FHIT: variants seen among roughly 807,000 people sequenced by gnomAD.
FHIT encodes fragile histidine triad diadenosine triphosphatase, also known as bis(5'-adenosyl)-triphosphatase.
FHIT carries 19 observed loss-of-function variants against 17.9 expected under a neutral mutation model. That is an observed-to-expected ratio of 1.06 (90% confidence interval 0.74 to 1.56). The LOEUF is 1.56. FHIT is among the 40% of genes most tolerant of loss of function. The probability of loss-of-function intolerance (pLI) is 0.00; values close to 1 mark genes in which losing one functional copy is unlikely to be tolerated. For synonymous variants in FHIT, 81 were observed against 69.7 expected, an observed-to-expected ratio of 1.16 and a Z score of -0.81; for missense variants, 248 against 189.2, an observed-to-expected ratio of 1.31 and a Z score of -1.82.
intron 2 of FHIT, among the ~76,000 whole-genome samples, chr3:61,116,372 T>C (rs753831403): frequency 4.6e-5 from 7 of 152,188 alleles, no homozygotes; most frequent in East Asian, 1.9e-4. Context: ...CCTCCATTAT[T>C]AGCCTGTGAC....
At chr3:60,899,548 G>T (rs949118655) in intron 3 of FHIT, among the ~76,000 whole-genome samples, 2 of 152,150 alleles carry the variant, frequency 1.3e-5, no homozygotes, top group South Asian at 2.1e-4. Context: ...AACGGTAAAG[G>T]CTGCTCAGCA....
At chr3:59,978,354 C>T (rs1048803610) in intron 7 of FHIT, among the ~76,000 whole-genome samples, 3 of 151,974 alleles carry the variant, frequency 2.0e-5, no homozygotes, top group Non-Finnish European at 2.9e-5. Context: ...ATTTAAAGTA[C>T]GTTATTTCTT....
At chr3:60,017,691 C>A (rs184695372) in intron 5 of FHIT, among the ~76,000 whole-genome samples, 61 of 152,322 alleles carry the variant, frequency 4.0e-4, no homozygotes, top group Non-Finnish European at 7.3e-4. Context: ...CAGCCCAGAA[C>A]TGACTATCTC....
At chr3:60,956,943 G>C (rs1207217419) in intron 3 of FHIT, among the ~76,000 whole-genome samples, 2 of 152,126 alleles carry the variant, frequency 1.3e-5, no homozygotes, top group African/African-American at 2.4e-5. Context: ...ACCTGACTTA[G>C]ATACCAGCCC....
intron 5 of FHIT, among the ~76,000 whole-genome samples, chr3:60,444,806 G>A (rs892059812): frequency 8.6e-5 from 13 of 151,526 alleles, no homozygotes; most frequent in East Asian, 3.9e-4. Flanking sequence ...TAACAAACCC[G>A]CACATTGTGC....
Position 60,546,264 on chromosome 3 carries a change from C to T in FHIT, c.-17-9285G>A, listed in dbSNP as rs1034824501. ...CACTTTTTCTCCTGTCTACCTTCCA[C>T]GGGTTAAGTCTGGTTTTTCTCTCCC... On this transcript the variant is annotated intron_variant, in intron 4 of 9. Coordinates refer to ENST00000492590, the MANE Select transcript of FHIT (RefSeq NM_002012.4). Among the ~76,000 whole-genome samples, 7 of 152,092 alleles carry T rather than the reference C, an allele frequency of 4.6e-5. No homozygotes were observed. The South Asian group carries it at 6.2e-4, about 14-fold the overall frequency.
In FHIT at chr3:59,978,565, T is replaced by C. The variant is rs147704586; in HGVS notation, c.279+32806A>G. On this transcript the variant is annotated intron_variant, in intron 7 of 9. Transcript: ENST00000492590. ...CCATCTCTTTACCTCTCAGCATTTCTACTCTGTTATCTGAAACAACCCATA... is the reference window on the plus strand; with the variant it reads ...CCATCTCTTTACCTCTCAGCATTTCCACTCTGTTATCTGAAACAACCCATA... 7.1e-3 allele frequency among the ~76,000 whole-genome samples: 1,072 copies of C among 151,826 alleles called. 5 individuals are homozygous for C. The highest frequency in any genetic ancestry group is 0.01 in the Non-Finnish European group (706 of 67,896).
chr3:59,895,724 C>T (rs953765017), intron 8 of FHIT, among the ~76,000 whole-genome samples: 12 of 152,308 alleles, frequency 7.9e-5, no homozygotes, highest in African/African-American at 2.9e-4. Context: ...TGCTCTTGAC[C>T]TCTAACTTCC....
At chr3:60,210,311 A>T (rs1703390154) in intron 5 of FHIT, among the ~76,000 whole-genome samples, 1 of 152,176 alleles carries the variant, frequency 6.6e-6, no homozygotes, top group Non-Finnish European at 1.5e-5. Context: ...TTCCAAATGG[A>T]TCAACTATTT....
At chr3:59,943,300 G>A (rs1706626220) in intron 7 of FHIT, among the ~76,000 whole-genome samples, 1 of 151,918 alleles carries the variant, frequency 6.6e-6, no homozygotes, top group South Asian at 2.1e-4. Context: ...TTTTAAACCT[G>A]GGCTCAAAGA....
intron 5 of FHIT, among the ~76,000 whole-genome samples, chr3:60,290,616 C>T (rs914699100): frequency 1.3e-5 from 2 of 152,022 alleles, no homozygotes; most frequent in Non-Finnish European, 2.9e-5. Context: ...GGGTCTCAGA[C>T]CTTATCAAGG....
intron 3 of FHIT, among the ~76,000 whole-genome samples, chr3:60,995,486 C>T (rs994344486): frequency 1.1e-4 from 16 of 152,152 alleles, no homozygotes; most frequent in Admixed American, 9.8e-4. Flanking sequence ...GGAGATTTAC[C>T]TCTTCCTCCT....
At chr3:59,929,491 C>T (rs1407633257) in intron 7 of FHIT, among the ~76,000 whole-genome samples, 2 of 150,808 alleles carry the variant, frequency 1.3e-5, no homozygotes, top group African/African-American at 2.4e-5. Flanking sequence ...CTGACTCAGC[C>T]TCCTGAGTAG....
At chr3:60,248,630 A>G (rs1705527023) in intron 5 of FHIT, among the ~76,000 whole-genome samples, 2 of 152,188 alleles carry the variant, frequency 1.3e-5, no homozygotes, top group African/African-American at 2.4e-5. Flanking sequence ...AAAATGATAT[A>G]GCCTACCACT....
chr3:60,270,927 T>G (rs534810576), intron 5 of FHIT, among the ~76,000 whole-genome samples: 1 of 152,286 alleles, frequency 6.6e-6, no homozygotes, highest in African/African-American at 2.4e-5. Flanking sequence ...GAAAGGGCAT[T>G]AAAAGACAAC....
Position 61,004,518 on chromosome 3 carries a change from A to T in FHIT, c.-111+37529T>A, listed in dbSNP as rs144969096. Among the ~76,000 whole-genome samples the T allele has an allele frequency of 1.5e-3, 232 of 152,360 alleles. 2 individuals are homozygous for T. The highest frequency in any genetic ancestry group is 5.1e-3 in the African/African-American group (213 of 41,590). ...TCTGGAACTGTTATCATCACACGAC[A>T]TAAAGGGAGAAGGGGAAGGAGCACT... On this transcript the variant is annotated intron_variant, in intron 3 of 9. Transcript: ENST00000492590.
At chr3:60,719,729 C>T (rs1553707603) in intron 4 of FHIT, among the ~76,000 whole-genome samples, 2 of 152,154 alleles carry the variant, frequency 1.3e-5, no homozygotes, top group Non-Finnish European at 1.5e-5. Flanking sequence ...TTCTCATACG[C>T]TTTGACCAGC....
chr3:60,893,759 C>T (rs1705638644), intron 3 of FHIT, among the ~76,000 whole-genome samples: 1 of 152,182 alleles, frequency 6.6e-6, no homozygotes, highest in East Asian at 1.9e-4. Context: ...TACCCCAAGG[C>T]CATGCCCATC....
rs148137414 is a variant in FHIT, at chr3:59,756,464, G to C, written c.349-4143C>G. Among the ~76,000 whole-genome samples the C allele has an allele frequency of 2.0e-3, 306 of 150,754 alleles. 1 individual carries two copies. In the East Asian group the frequency reaches 0.045, roughly 22 times the overall value. On this transcript the variant is annotated intron_variant, in intron 8 of 9. Coordinates refer to ENST00000492590, the MANE Select transcript of FHIT (RefSeq NM_002012.4). The stretch of plus-strand genomic sequence containing the variant: ...GTCAAAGGTAGTCAATACCCCAGGA[G>C]TATGGTTGCCAGATTTAGCAAACAA...
Sources: gnomAD v4.1 joint callset for allele counts (sites outside exome capture counted in the v4.1 genomes callset) on GRCh38, gnomAD v4.1.1 for gene constraint, MANE v1.5 for transcripts, NCBI Gene and HGNC (gene_info 2026-07-23, HGNC 2026-07-21) for gene names.